The following PTPRJ variants were observed in gnomAD, a reference collection of about 807,000 sequenced individuals.
The protein encoded by PTPRJ is receptor-type tyrosine-protein phosphatase eta.
Under a neutral mutation model 141.3 loss-of-function variants are expected in PTPRJ, and 129 were observed. The ratio of observed to expected loss-of-function variants is 0.91; its 90% CI spans 0.79 to 1.06. The LOEUF (loss-of-function observed/expected upper bound fraction) is 1.06. Among genes scored for constraint, PTPRJ ranks in the 50% least tolerant of loss-of-function variants. PTPRJ has a pLI of 0.00. For missense variants in PTPRJ, 1,601 were observed against 1,679.7 expected (o/e 0.95, Z 0.82); for synonymous variants, 610 against 640.5 (o/e 0.95, Z 0.72).
intron 1 of PTPRJ, among the ~76,000 whole-genome samples, chr11:48,031,770 G>A (rs1406441106): frequency 3.3e-5 from 5 of 152,138 alleles, no homozygotes; most frequent in Non-Finnish European, 7.3e-5. Context: ...ATTCTGCTAC[G>A]GAGAGTGTGA....
intron 1 of PTPRJ, among the ~76,000 whole-genome samples, chr11:48,095,539 C>T (rs914743203): frequency 1.3e-5 from 2 of 150,520 alleles, no homozygotes; most frequent in African/African-American, 4.9e-5. Flanking sequence ...ACGAGTGCAC[C>T]TTATGGGTAT....
At chr11:48,057,025 T>A (rs1225628550) in intron 1 of PTPRJ, among the ~76,000 whole-genome samples, 1 of 151,994 alleles carries the variant, frequency 6.6e-6, no homozygotes, top group Non-Finnish European at 1.5e-5. Flanking sequence ...AGCTCATAAA[T>A]ATGAAAAGAG....
chr11:48,166,711 C>G (rs560622486), intron 24 of PTPRJ, among the ~76,000 whole-genome samples: 1 of 152,250 alleles, frequency 6.6e-6, no homozygotes, highest in South Asian at 2.1e-4. Flanking sequence ...CTTGTTTCCT[C>G]TTTTCTTCAT....
chr11:48,021,231 G>A (rs905963657), intron 1 of PTPRJ, among the ~76,000 whole-genome samples: 4 of 151,890 alleles, frequency 2.6e-5, no homozygotes, highest in East Asian at 1.9e-4. Flanking sequence ...AAAATTAGCC[G>A]GGCGTGTTGG....
chr11:48,017,271 G>A (rs945649110), intron 1 of PTPRJ, among the ~76,000 whole-genome samples: 2 of 152,122 alleles, frequency 1.3e-5, no homozygotes. Flanking sequence ...CTGGTAGGTA[G>A]GGGCCATCTG....
intron 1 of PTPRJ, among the ~76,000 whole-genome samples, chr11:48,052,904 C>T (rs538209524): frequency 2.8e-4 from 42 of 151,358 alleles, no homozygotes; most frequent in African/African-American, 9.5e-4. Context: ...GGCCACCAGC[C>T]GCTAGGGGCC....
At chr11:48,156,225 A>G (rs573116609) in intron 21 of PTPRJ, 106 bp downstream of exon 21, 8 of 952,866 alleles carry the variant, frequency 8.4e-6, no homozygotes, top group Middle Eastern at 3.1e-4. Flanking sequence ...AAACTCAAAC[A>G]TTAGCACTTT....
At chr11:48,092,151 C>T (rs754981927) in intron 1 of PTPRJ, among the ~76,000 whole-genome samples, 26 of 151,608 alleles carry the variant, frequency 1.7e-4, no homozygotes, top group Non-Finnish European at 2.8e-4. Context: ...AAAAATTAGC[C>T]AGGGATGGTG....
intron 1 of PTPRJ, among the ~76,000 whole-genome samples, chr11:48,086,381 A>C (rs1258396803): frequency 1.3e-5 from 2 of 152,216 alleles, no homozygotes; most frequent in Admixed American, 1.3e-4. Flanking sequence ...CATGTTGACC[A>C]GGCTGGTCTG....
chr11:48,027,528 C>T (rs1055093584), intron 1 of PTPRJ, among the ~76,000 whole-genome samples: 2 of 151,860 alleles, frequency 1.3e-5, no homozygotes, highest in Non-Finnish European at 2.9e-5. Flanking sequence ...CAGTGACTCA[C>T]GCCTGTAATC....
In PTPRJ at chr11:48,121,273, T is replaced by G. The variant is rs1449472284; in HGVS notation, c.616+7T>G. On this transcript the variant is annotated splice_region_variant and intron_variant, in intron 4 of 24. Transcript: ENST00000418331. ...GTCATAAAAGTCATCACAGGTAAGA[T>G]GACTGGCTCCCAGGGATGATGACAA... 1 of 1,612,362 alleles carries G rather than the reference T, an allele frequency of 6.2e-7. No homozygotes were observed. Among genetic ancestry groups the G allele is most frequent in the Non-Finnish European group, 8.5e-7 (1 of 1,178,592 alleles).
chr11:48,094,982 C>T (rs1039428219), intron 1 of PTPRJ, among the ~76,000 whole-genome samples: 2 of 152,076 alleles, frequency 1.3e-5, no homozygotes, highest in East Asian at 1.9e-4. Flanking sequence ...GGGCCATGGT[C>T]GGAGAGAAGG....
chr11:47,981,147 C>G (rs1053054688), intron 1 of PTPRJ, 139 bp downstream of exon 1: 1 of 899,926 alleles, frequency 1.1e-6, no homozygotes, highest in South Asian at 5.5e-5. Context: ...CGGAAGGCGA[C>G]TTGCGGGGAC....
intron 1 of PTPRJ, among the ~76,000 whole-genome samples, chr11:48,042,467 G>A (rs1168253525): frequency 6.6e-6 from 1 of 152,032 alleles, no homozygotes. Flanking sequence ...AGCATGTCTT[G>A]TATTTTCTCT....
intron 22 of PTPRJ, among the ~76,000 whole-genome samples, chr11:48,162,691 A>G (rs1857816151): frequency 6.6e-6 from 1 of 152,252 alleles, no homozygotes; most frequent in African/African-American, 2.4e-5. Flanking sequence ...GATGTAGGTC[A>G]CATGGGTATG....
At chr11:48,109,619 T>A (rs907664201) in intron 1 of PTPRJ, among the ~76,000 whole-genome samples, 1 of 152,134 alleles carries the variant, frequency 6.6e-6, no homozygotes, top group Non-Finnish European at 1.5e-5. Flanking sequence ...GGGAAATGGG[T>A]CTGGGGAAGG....
intron 1 of PTPRJ, among the ~76,000 whole-genome samples, chr11:48,001,879 G>A (rs183544844): frequency 8.1e-4 from 123 of 152,248 alleles, no homozygotes; most frequent in African/African-American, 2.8e-3. Context: ...TTGGTAAACC[G>A]TAGTTACCCC....
At position 48,069,445 on chromosome 11, in the gene PTPRJ, A is replaced by ATTTTTTTTTTTTTTTTTTTTT. The variant is rs35405916; in HGVS notation, c.97-40612_97-40592dup. Among the ~76,000 whole-genome samples the ATTTTTTTTTTTTTTTTTTTTT allele has an allele frequency of 1.6e-5, 2 of 121,322 alleles. 1 individual carries two copies. 79.6% of individuals were successfully genotyped at this position (121,322 alleles called of 152,430 possible). A position where few individuals can be genotyped will look rare whatever the true frequency, so the allele number is the denominator to read the frequency against. Reference sequence around the variant, plus strand: ...GGCTGTGATAAAAACTACATTGATAATTTTTTTTTTTTTTTTTTTTTGGAG... The same window carrying ATTTTTTTTTTTTTTTTTTTTT: ...GGCTGTGATAAAAACTACATTGATAATTTTTTTTTTTTTTTTTTTTTTTTTTTTTTTTTTTTTTTTTTGGAG... On this transcript the variant is annotated intron_variant, in intron 1 of 24. Coordinates refer to ENST00000418331, the MANE Select transcript of PTPRJ (RefSeq NM_002843.4).
intron 18 of PTPRJ, among the ~76,000 whole-genome samples, chr11:48,153,052 T>G (rs1342508637): frequency 6.6e-6 from 1 of 151,960 alleles, no homozygotes. Context: ...ACACCACGGG[T>G]TTGGTCTAGG....
Sources: gnomAD v4.1 joint callset for allele counts (sites outside exome capture counted in the v4.1 genomes callset) on GRCh38, gnomAD v4.1.1 for gene constraint, MANE v1.5 for transcripts, NCBI Gene and HGNC (gene_info 2026-07-23, HGNC 2026-07-21) for gene names.